The following THSD7B variants were observed in gnomAD, a reference collection of about 807,000 sequenced individuals.
THSD7B encodes thrombospondin type-1 domain-containing protein 7B.
Under a neutral mutation model 213.6 loss-of-function variants are expected in THSD7B, and 138 were observed. The ratio of observed to expected loss-of-function variants is 0.65; its 90% CI spans 0.56 to 0.74. THSD7B has a LOEUF of 0.74. THSD7B is among the 30% of genes least tolerant of loss of function. The probability of loss-of-function intolerance (pLI) is 0.00; values close to 1 mark genes in which losing one functional copy is unlikely to be tolerated. For missense variants in THSD7B, 1,931 were observed against 1,991.5 expected (o/e 0.97, Z 0.58); for synonymous variants, 742 against 687.0 (o/e 1.08, Z -1.25).
chr2:137,223,767 T>C (rs1681430153), intron 7 of THSD7B, among the ~76,000 whole-genome samples: 1 of 152,180 alleles, frequency 6.6e-6, no homozygotes, highest in Admixed American at 6.5e-5. Context: ...TCATGTTGAA[T>C]TGTAATCTCG....
intron 15 of THSD7B, among the ~76,000 whole-genome samples, chr2:137,530,951 A>G (rs1188423234): frequency 6.6e-6 from 1 of 152,040 alleles, no homozygotes; most frequent in Non-Finnish European, 1.5e-5. Flanking sequence ...AGAACTTAAC[A>G]TTGATCAGTT....
At chr2:137,050,620 T>C (rs898851836) in intron 2 of THSD7B, among the ~76,000 whole-genome samples, 6 of 152,246 alleles carry the variant, frequency 3.9e-5, no homozygotes, top group Admixed American at 1.3e-4. Context: ...ACTACCTTTA[T>C]AAGTAAATCT....
At chr2:137,246,765 CTT>C (rs70978210) in intron 10 of THSD7B, among the ~76,000 whole-genome samples, 2 of 145,968 alleles carry the variant, frequency 1.4e-5, no homozygotes, top group Admixed American at 6.9e-5. Context: ...TTCCTTTGTA[CTT>C]TTTTTTTTTT....
At chr2:136,905,398 G>A (rs1193641605) in intron 2 of THSD7B, among the ~76,000 whole-genome samples, 2 of 152,172 alleles carry the variant, frequency 1.3e-5, no homozygotes, top group African/African-American at 4.8e-5. Flanking sequence ...AAAGCTAATA[G>A]AGGTATGTCA....
intron 2 of THSD7B, among the ~76,000 whole-genome samples, chr2:136,993,940 T>C (rs1028864170): frequency 1.3e-5 from 2 of 152,222 alleles, no homozygotes; most frequent in African/African-American, 4.8e-5. Context: ...TGTGTATATA[T>C]GTTTATACAT....
At chr2:137,425,053 C>T (rs1687020322) in intron 14 of THSD7B, among the ~76,000 whole-genome samples, 1 of 147,662 alleles carries the variant, frequency 6.8e-6, no homozygotes, top group South Asian at 2.2e-4. Flanking sequence ...GCCTGGGCGA[C>T]AGAGCAAGAC....
In THSD7B at chr2:137,619,857, G is replaced by T. The variant is rs574524046; in HGVS notation, c.3682-752G>T. ...CATTTTACCCACTTGGCAAGTCATT[G>T]TACTATAATCATTAATATTAGCTTG... On this transcript the variant is annotated intron_variant, in intron 19 of 27. Transcript: ENST00000409968. Among the ~76,000 whole-genome samples the T allele has an allele frequency of 3.9e-5, 6 of 152,274 alleles. No individual in the cohort carries two copies. The South Asian group carries it at 1.2e-3, about 32-fold the overall frequency.
At position 137,094,961 on chromosome 2, in the gene THSD7B, C is replaced by T; in HGVS notation, c.1039C>T (p.Pro347Ser). ...AACCTCCCAGTGGTCCTCCTGGAGCCCCTGCTCCAAGACATGCCGTTCAGG... is the reference window on the plus strand; with the variant it reads ...AACCTCCCAGTGGTCCTCCTGGAGCTCCTGCTCCAAGACATGCCGTTCAGG... Reference protein sequence around the residue: ...CETSQWSSWSPCSKTCRSGSL... With the variant: ...CETSQWSSWSSCSKTCRSGSL... Residue 347 changes from proline to serine, a missense_variant, in exon 4 of 28, where the codon CCC (proline) becomes TCC (serine). Physicochemically the swap from Pro to Ser is moderately conservative, Grantham distance 74. Coordinates refer to ENST00000409968, the MANE Select transcript of THSD7B (RefSeq NM_001316349.2). The T allele has an allele frequency of 1.2e-6, 2 of 1,613,836 alleles. No individual in the cohort carries two copies. Among genetic ancestry groups the T allele is most frequent in the Non-Finnish European group, 1.7e-6 (2 of 1,179,830 alleles).
chr2:136,765,803 C>T (rs373113411), intron 1 of THSD7B, 116 bp downstream of exon 1: 1 of 152,058 alleles, frequency 6.6e-6, no homozygotes, highest in Admixed American at 6.5e-5. Flanking sequence ...AGACTTTGCT[C>T]TTTCCTCGCC....
At chr2:136,864,831 C>T (rs1287204890) in intron 1 of THSD7B, among the ~76,000 whole-genome samples, 2 of 152,184 alleles carry the variant, frequency 1.3e-5, no homozygotes, top group African/African-American at 4.8e-5. Context: ...GGATTACAGG[C>T]GTGAGCCACC....
chr2:137,052,377 T>A (rs992258800), intron 2 of THSD7B, among the ~76,000 whole-genome samples: 3 of 152,188 alleles, frequency 2.0e-5, no homozygotes, highest in Non-Finnish European at 4.4e-5. Flanking sequence ...TAGAGCTACA[T>A]TACATCAGTA....
At chr2:137,627,118 G>A (rs1234867567) in intron 20 of THSD7B, among the ~76,000 whole-genome samples, 1 of 152,162 alleles carries the variant, frequency 6.6e-6, no homozygotes, top group Non-Finnish European at 1.5e-5. Context: ...TGGTGAGAAA[G>A]AGAACAAGAG....
chr2:137,325,578 C>T (rs1395919971), intron 12 of THSD7B, among the ~76,000 whole-genome samples: 9 of 152,148 alleles, frequency 5.9e-5, no homozygotes, highest in Admixed American at 5.9e-4. Context: ...AGATAACTCA[C>T]AGACACACAC....
intron 12 of THSD7B, among the ~76,000 whole-genome samples, chr2:137,400,094 A>G (rs1686315874): frequency 6.6e-6 from 1 of 152,020 alleles, no homozygotes; most frequent in Non-Finnish European, 1.5e-5. Context: ...TTCATATCCT[A>G]AATTGATTTT....
At chr2:136,983,317 T>C (rs1685614587) in intron 2 of THSD7B, among the ~76,000 whole-genome samples, 1 of 61,792 alleles carries the variant, frequency 1.6e-5, no homozygotes, top group African/African-American at 4.1e-5. Flanking sequence ...TGGTAGCTTG[T>C]TACATTGTTG....
At chr2:137,616,142 C>CT (rs748327077) in intron 17 of THSD7B, 33 bp from the exon 18 acceptor site, 3 of 1,602,436 alleles carry the variant, frequency 1.9e-6, no homozygotes, top group African/African-American at 2.7e-5. Context: ...ATAACTTGCC[C>CT]ACAGTCAACT....
intron 15 of THSD7B, among the ~76,000 whole-genome samples, chr2:137,491,998 A>G (rs1407615788): frequency 6.6e-6 from 1 of 152,010 alleles, no homozygotes; most frequent in Non-Finnish European, 1.5e-5. Flanking sequence ...GAGTACTACT[A>G]CTAATCTGGT....
chr2:136,963,915 A>G (rs924039579), intron 2 of THSD7B, among the ~76,000 whole-genome samples: 1 of 152,170 alleles, frequency 6.6e-6, no homozygotes, highest in African/African-American at 2.4e-5. Flanking sequence ...AAACTCATCT[A>G]TTTATTTGGG....
chr2:137,151,890 T>C (rs1332467658), intron 5 of THSD7B, among the ~76,000 whole-genome samples: 6 of 152,288 alleles, frequency 3.9e-5, no homozygotes, highest in Middle Eastern at 3.4e-3. Context: ...ACCACAGTTG[T>C]CTGTGCAGTC....
Sources: allele counts gnomAD v4.1 joint callset (sites outside exome capture counted in the v4.1 genomes callset), GRCh38; gene constraint gnomAD v4.1.1; transcripts MANE v1.5; gene names NCBI Gene and HGNC (gene_info 2026-07-23, HGNC 2026-07-21).